Variants in FBXO6 observed in about 807,000 individuals in gnomAD.
The protein encoded by FBXO6 is F-box only protein 6.
In FBXO6, 13 loss-of-function variants were observed where a neutral mutation model predicts 25.0. The ratio of observed to expected loss-of-function variants is 0.52; its 90% CI spans 0.34 to 0.83. The LOEUF is 0.83. Ranked by LOEUF, FBXO6 falls within the 40% of genes least tolerant of loss-of-function variation. The pLI is 0.02. For synonymous variants in FBXO6, 138 were observed against 155.3 expected, an observed-to-expected ratio of 0.89 and a Z score of 0.83; for missense variants, 370 against 380.2, an observed-to-expected ratio of 0.97 and a Z score of 0.22.
Position 11,668,716 on chromosome 1 carries a change from A to G in FBXO6, c.58A>G (p.Ile20Val). The G allele has an allele frequency of 6.2e-7, 1 of 1,614,032 alleles. No homozygotes were observed. The highest frequency in any genetic ancestry group is 1.1e-5 in the South Asian group (1 of 91,074). The change falls in exon 2 of 6, where the codon ATC (isoleucine) becomes GTC (valine). Residue 20 changes from isoleucine (I) to valine (V), a missense_variant. By Grantham distance (29) the Ile-to-Val change is conservative. Coordinates refer to ENST00000376753, the MANE Select transcript of FBXO6 (RefSeq NM_018438.6). ...CAGCATTAACGAGCTGCCCGAGAAC[A>G]TCCTGCTGGAGCTGTTCACGCACGT... ...LDSINELPEN[I>V]LLELFTHVPA...
In FBXO6 at chr1:11,670,082, A is replaced by C. The variant is rs892904741; in HGVS notation, c.286+1138A>C. On this transcript the variant is annotated intron_variant, in intron 2 of 5. Coordinates refer to ENST00000376753, the MANE Select transcript of FBXO6 (RefSeq NM_018438.6). Reference sequence around the variant, plus strand: ...AAAAAAATTAGCTGGGCGTGGTGGCAGGCACCTGTAGTCCCAGCTACTTGG... The same window carrying C: ...AAAAAAATTAGCTGGGCGTGGTGGCCGGCACCTGTAGTCCCAGCTACTTGG... Among the ~76,000 whole-genome samples, 38 of 151,018 alleles carry C rather than the reference A, an allele frequency of 2.5e-4. 1 individual carries two copies. The highest frequency in any genetic ancestry group is 9.0e-4 in the African/African-American group (37 of 41,108).
rs774069776 is a variant in FBXO6 at position 11,671,273 on chromosome 1, G to T, written c.294G>T (p.Met98Ile). ...LLRNPCAEED[M>I]FAWQIDFNGG... ...GGCTTCTGTTCTTCCTAGAGGATATGTTTGCATGGCAAATTGATTTCAATG... is the reference window on the plus strand; with the variant it reads ...GGCTTCTGTTCTTCCTAGAGGATATTTTTGCATGGCAAATTGATTTCAATG... The change falls in exon 3 of 6, where the codon ATG (methionine) becomes ATT (isoleucine). Residue 98 changes from methionine to isoleucine, a missense_variant. Met to Ile is a conservative substitution (Grantham distance 10). Coordinates refer to ENST00000376753, the MANE Select transcript of FBXO6 (RefSeq NM_018438.6). 1 of 1,613,956 alleles carries T rather than the reference G, an allele frequency of 6.2e-7. No individual in the cohort carries two copies.
chr1:11,671,237 G>C (rs752661023), intron 2 of FBXO6, 29 bp from the exon 3 acceptor site: 3 of 1,609,004 alleles, frequency 1.9e-6, no homozygotes, highest in East Asian at 4.5e-5. Flanking sequence ...TTACACAGGG[G>C]GTCTCACCTT....
chr1:11,673,425 C>T lies in FBXO6; in HGVS notation c.645+13C>T. ...CACATGGACAGAGGTGAGGCCTCAC[C>T]CACTTGCTCTCTCTACCCACTCCTC... is the stretch of plus-strand genomic sequence containing the variant. On this transcript the variant is annotated intron_variant, in intron 5 of 5. Coordinates refer to ENST00000376753, the MANE Select transcript of FBXO6 (RefSeq NM_018438.6). The surrounding 1 kb of genome is among the most constrained non-coding windows in gnomAD (Gnocchi z 4.3). 6.2e-7 allele frequency: 1 copy of T among 1,612,960 alleles called. No individual in the cohort carries two copies. Among genetic ancestry groups the T allele is most frequent in the South Asian group, 1.1e-5 (1 of 90,922 alleles).
At chr1:11,671,499 C>T (rs532037324) in intron 3 of FBXO6, 107 bp downstream of exon 3, 13 of 1,502,026 alleles carry the variant, frequency 8.7e-6, no homozygotes, top group Non-Finnish European at 1.2e-5. Flanking sequence ...CTCTGCGAAG[C>T]TCGAGGGAGG....
intron 4 of FBXO6, among the ~76,000 whole-genome samples, chr1:11,672,448 G>A (rs867422708): frequency 1.5e-5 from 2 of 132,736 alleles, no homozygotes; most frequent in African/African-American, 6.9e-5. Context: ...CACTACACCC[G>A]GCTATTTTTT....
At position 11,673,896 on chromosome 1, in the gene FBXO6, C is replaced by CAG; in HGVS notation, c.*46_*47dup. 1.3e-6 allele frequency: 2 copies of CAG among 1,585,890 alleles called. No homozygotes were observed. Among genetic ancestry groups the CAG allele is most frequent in the Non-Finnish European group, 1.7e-6 (2 of 1,155,520 alleles). The stretch of plus-strand genomic sequence containing the variant: ...TGGGTCAGCCAGAGGTTCCTCCAGG[C>CAG]AGGAGCTGAGCATGGGGTGGGCAGT... On this transcript the variant is annotated 3_prime_UTR_variant, in exon 6 of 6. Transcript: ENST00000376753. The surrounding 1 kb of genome is among the most constrained non-coding windows in gnomAD (Gnocchi z 4.3).
intron 2 of FBXO6, among the ~76,000 whole-genome samples, 166 bp downstream of exon 2, chr1:11,669,110 C>T (rs1406501312): frequency 6.6e-6 from 1 of 152,208 alleles, no homozygotes; most frequent in East Asian, 1.9e-4. Flanking sequence ...GAGACCTGCC[C>T]TGTGCTCCCA....
intron 1 of FBXO6, among the ~76,000 whole-genome samples, chr1:11,665,229 T>C (rs1346911014): frequency 6.2e-5 from 8 of 129,016 alleles, no homozygotes; most frequent in African/African-American, 2.4e-4. Flanking sequence ...TTTTTTTTTT[T>C]TTTTTTTTTT....
chr1:11,669,886 C>T (rs1640567075), intron 2 of FBXO6, among the ~76,000 whole-genome samples: 1 of 146,152 alleles, frequency 6.8e-6, no homozygotes, highest in Non-Finnish European at 1.5e-5. Flanking sequence ...ATCTGCCTGC[C>T]TCGGCCTCCC....
chr1:11,671,861 G>T (rs1640625126), intron 3 of FBXO6, 67 bp from the exon 4 acceptor site: 2 of 1,405,166 alleles, frequency 1.4e-6, no homozygotes, highest in East Asian at 4.6e-5. Flanking sequence ...GGCTGCCAAG[G>T]CCTGGGTGAG....
At position 11,673,022 on chromosome 1, in the gene FBXO6, G is replaced by A. The variant is rs927438523; in HGVS notation, c.510-255G>A. Among the ~76,000 whole-genome samples the A allele has an allele frequency of 2.0e-4, 30 of 152,176 alleles. No homozygotes were observed. Among genetic ancestry groups the A allele is most frequent in the African/African-American group, 7.0e-4 (29 of 41,436 alleles). On this transcript the variant is annotated intron_variant, in intron 4 of 5. Transcript: ENST00000376753. The surrounding 1 kb of genome is among the most constrained non-coding windows in gnomAD (Gnocchi z 4.3). ...TCTGGAGGGGTCTTTTGATTTTTGA[G>A]GTCATATCTTTAGTAGGATGCCCAA...
At chr1:11,671,421 C>T (rs1640612837) in intron 3 of FBXO6, 29 bp downstream of exon 3, 4 of 1,607,184 alleles carry the variant, frequency 2.5e-6, no homozygotes, top group Non-Finnish European at 3.4e-6. Flanking sequence ...ACCAGGCTTG[C>T]GTGGAGGGGA....
At chr1:11,669,445 C>G (rs1395957686) in intron 2 of FBXO6, among the ~76,000 whole-genome samples, 1 of 146,360 alleles carries the variant, frequency 6.8e-6, no homozygotes, top group Non-Finnish European at 1.5e-5. Flanking sequence ...GCCTGGGTGA[C>G]AAGAGTGAAA....
intron 3 of FBXO6, 58 bp from the exon 4 acceptor site, chr1:11,671,869 GA>G (rs1333900805): frequency 1.3e-4 from 184 of 1,439,928 alleles, no homozygotes; most frequent in South Asian, 1.0e-3. Context: ...AGGCCTGGGT[GA>G]GGGGGGGGGC....
At chr1:11,667,962 T>C (rs1476536462) in intron 1 of FBXO6, among the ~76,000 whole-genome samples, 1 of 151,936 alleles carries the variant, frequency 6.6e-6, no homozygotes, top group Non-Finnish European at 1.5e-5. Context: ...TATGGTGGCA[T>C]GCGCCTATAG....
intron 1 of FBXO6, among the ~76,000 whole-genome samples, chr1:11,665,796 T>G (rs1241556036): frequency 6.6e-6 from 1 of 151,820 alleles, no homozygotes; most frequent in African/African-American, 2.4e-5. Flanking sequence ...CCTGATCTTG[T>G]GATCCGCCCG....
chr1:11,668,871 CGTG>C lies in FBXO6; in HGVS notation c.215_217del (p.Val72del). 1.2e-6 allele frequency: 2 copies of C among 1,614,146 alleles called. No homozygotes were observed. Among genetic ancestry groups the C allele is most frequent in the Non-Finnish European group, 1.7e-6 (2 of 1,180,022 alleles). ...TCATCACCAAGGACTGGGACCAGCC[CGTG>C]GCCGACTGGAAAATCTTCTACTTCC... On this transcript the variant is annotated inframe_deletion, in exon 2 of 6. Transcript: ENST00000376753.
rs775779660 is a variant in FBXO6 at position 11,668,689 on chromosome 1, G to T, written c.31G>T (p.Asp11Tyr). 9 of 1,613,870 alleles carry T rather than the reference G, an allele frequency of 5.6e-6. No homozygotes were observed. In the Admixed American group the frequency reaches 1.5e-4, roughly 27 times the overall value. Residue 11 changes from aspartate (D) to tyrosine (Y), a missense_variant, in exon 2 of 6, where the codon GAC becomes TAC. Coordinates refer to ENST00000376753, the MANE Select transcript of FBXO6 (RefSeq NM_018438.6). MDAPHSKAAL[D>Y]SINELPENIL... The stretch of plus-strand genomic sequence containing the variant: ...TGCTCCCCACTCCAAAGCAGCCCTG[G>T]ACAGCATTAACGAGCTGCCCGAGAA...
Sources: allele counts gnomAD v4.1 joint callset (sites outside exome capture counted in the v4.1 genomes callset), GRCh38; gene constraint gnomAD v4.1.1; non-coding constraint Gnocchi (gnomAD v3.1); transcripts MANE v1.5; gene names NCBI Gene and HGNC (gene_info 2026-07-23, HGNC 2026-07-21).